Variants in CNTN3 observed in about 807,000 individuals in gnomAD.
CNTN3 encodes the protein contactin-3.
Under a neutral mutation model 119.1 loss-of-function variants are expected in CNTN3, and 60 were observed. That is an observed-to-expected ratio of 0.50 (90% CI 0.41 to 0.62). The LOEUF (loss-of-function observed/expected upper bound fraction) is 0.62, where lower values mean the gene tolerates loss of function less well. CNTN3 is among the 20% of genes least tolerant of loss of function. The pLI, the probability that CNTN3 is intolerant of heterozygous loss-of-function variation, is 0.00. For synonymous variants in CNTN3, 450 were observed against 438.7 expected, an observed-to-expected ratio of 1.03 and a Z score of -0.32; for missense variants, 1,101 against 1,242.4, an observed-to-expected ratio of 0.89 and a Z score of 1.71.
intron 1 of CNTN3, among the ~76,000 whole-genome samples, chr3:74,544,493 T>C (rs564849433): frequency 2.6e-5 from 4 of 152,222 alleles, no homozygotes; most frequent in African/African-American, 7.2e-5. Flanking sequence ...AAAAATTCAA[T>C]GACAGAACCC....
chr3:74,490,413 G>A (rs191651852), intron 3 of CNTN3, among the ~76,000 whole-genome samples: 1 of 152,246 alleles, frequency 6.6e-6, no homozygotes, highest in Admixed American at 6.5e-5. Context: ...AATGTTTATG[G>A]CCTGACTAAG....
At chr3:74,533,728 A>T (rs1042078654) in intron 1 of CNTN3, among the ~76,000 whole-genome samples, 1 of 151,970 alleles carries the variant, frequency 6.6e-6, no homozygotes, top group Admixed American at 6.6e-5. Flanking sequence ...GAAGCTTTGT[A>T]TTTTTGTTCA....
chr3:74,364,384 G>A, intron 10 of CNTN3, 83 bp downstream of exon 10: 2 of 1,360,526 alleles, frequency 1.5e-6, no homozygotes, highest in African/African-American at 1.5e-5. Context: ...AACCTAATGT[G>A]AAAAGTAAAT....
chr3:74,420,236 T>C (rs758124944), intron 5 of CNTN3, among the ~76,000 whole-genome samples: 1 of 152,232 alleles, frequency 6.6e-6, no homozygotes, highest in Non-Finnish European at 1.5e-5. Flanking sequence ...TCTCCCACCA[T>C]AAAACAATTT....
At chr3:74,374,992 GA>G (rs1461667744) in intron 5 of CNTN3, among the ~76,000 whole-genome samples, 1 of 152,110 alleles carries the variant, frequency 6.6e-6, no homozygotes, top group Non-Finnish European at 1.5e-5. Context: ...TCATAGTATT[GA>G]AAGCCATTTT....
rs189269081 is a variant in CNTN3, at chr3:74,297,029, C to A, written c.2401+928G>T. On this transcript the variant is annotated intron_variant, in intron 18 of 22. Transcript: ENST00000263665. The stretch of plus-strand genomic sequence containing the variant: ...ATCTGAGACAGGTATAAAAGAAAGG[C>A]AAAGAAACAGAACGGGTCCAGAGTG... Among the ~76,000 whole-genome samples the A allele has an allele frequency of 1.2e-3, 176 of 152,138 alleles. 2 individuals are homozygous for A. The highest frequency in any genetic ancestry group is 0.01 in the Admixed American group (160 of 15,270).
At chr3:74,574,718 T>G (rs1210366170) in intron 1 of CNTN3, among the ~76,000 whole-genome samples, 24 of 152,144 alleles carry the variant, frequency 1.6e-4, no homozygotes, top group Admixed American at 1.6e-3. Context: ...TGGGTTAACT[T>G]CAAGTTGCAT....
chr3:74,366,770 G>GTATATA, intron 8 of CNTN3, among the ~76,000 whole-genome samples: 2 of 44,972 alleles, frequency 4.4e-5, no homozygotes, highest in African/African-American at 2.4e-4. Flanking sequence ...GTGTGTGTGT[G>GTATATA]TGTGTGTGTG....
At chr3:74,327,124 T>G (rs1486957420) in intron 13 of CNTN3, among the ~76,000 whole-genome samples, 21 of 145,766 alleles carry the variant, frequency 1.4e-4, no homozygotes, top group African/African-American at 2.8e-4. Context: ...TTTTTTTTTT[T>G]TTTTTTTGTT....
At chr3:74,510,777 G>A (rs1033975235) in intron 2 of CNTN3, among the ~76,000 whole-genome samples, 1 of 152,064 alleles carries the variant, frequency 6.6e-6, no homozygotes, top group Admixed American at 6.6e-5. Context: ...TGCAAGCTAT[G>A]AATTTAGTTA....
intron 20 of CNTN3, among the ~76,000 whole-genome samples, chr3:74,270,869 T>G (rs1388456972): frequency 6.6e-6 from 1 of 152,132 alleles, no homozygotes; most frequent in East Asian, 1.9e-4. Flanking sequence ...GAATGCTAAA[T>G]TAGAAAAAAC....
intron 1 of CNTN3, among the ~76,000 whole-genome samples, chr3:74,525,611 A>G (rs1703608125): frequency 6.6e-6 from 1 of 151,996 alleles, no homozygotes; most frequent in Non-Finnish European, 1.5e-5. Context: ...TTTAAGCCAA[A>G]GAAAAAATAG....
chr3:74,523,101 T>A (rs1703566802), intron 1 of CNTN3, among the ~76,000 whole-genome samples: 1 of 151,808 alleles, frequency 6.6e-6, no homozygotes, highest in Admixed American at 6.6e-5. Context: ...CTTCCTTCCT[T>A]CCTTCTGCTC....
chr3:74,437,748 T>C (rs1181839259), intron 4 of CNTN3, among the ~76,000 whole-genome samples: 1 of 151,930 alleles, frequency 6.6e-6, no homozygotes, highest in Admixed American at 6.6e-5. Flanking sequence ...CCATCAAAAC[T>C]ACACTTTTTT....
At chr3:74,402,400 C>T (rs1705221196) in intron 5 of CNTN3, among the ~76,000 whole-genome samples, 1 of 152,158 alleles carries the variant, frequency 6.6e-6, no homozygotes, top group South Asian at 2.1e-4. Flanking sequence ...TTCCTTGGAA[C>T]TCATCAATTT....
intron 4 of CNTN3, among the ~76,000 whole-genome samples, chr3:74,465,570 T>C (rs1702446654): frequency 6.6e-6 from 1 of 152,206 alleles, no homozygotes; most frequent in African/African-American, 2.4e-5. Flanking sequence ...TTGTTTCCAT[T>C]TCTTCTTATA....
At chr3:74,609,017 G>A (rs755286710) in intron 1 of CNTN3, among the ~76,000 whole-genome samples, 11 of 152,100 alleles carry the variant, frequency 7.2e-5, no homozygotes, top group Admixed American at 1.3e-4. Context: ...TTTCCTGAAC[G>A]AAACAACAAA....
Position 74,460,327 on chromosome 3 carries a change from G to C in CNTN3, c.358+26129C>G, listed in dbSNP as rs531476761. ...ACTAGCAAACACAAAGACCTCCCTG[G>C]GATTTTGATAGGAACTGTATTAAAA... On this transcript the variant is annotated intron_variant, in intron 4 of 22. Coordinates refer to ENST00000263665, the MANE Select transcript of CNTN3 (RefSeq NM_020872.3). Among the ~76,000 whole-genome samples, 3 of 151,926 alleles carry C rather than the reference G, an allele frequency of 2.0e-5. No individual in the cohort carries two copies. In the South Asian group the frequency reaches 6.2e-4, roughly 32 times the overall value.
chr3:74,500,247 T>C (rs1416191966), intron 2 of CNTN3, among the ~76,000 whole-genome samples: 1 of 151,988 alleles, frequency 6.6e-6, no homozygotes, highest in Non-Finnish European at 1.5e-5. Context: ...ACTCAATATT[T>C]TGGTGGGATG....
Sources: allele counts gnomAD v4.1 joint callset (sites outside exome capture counted in the v4.1 genomes callset), GRCh38; gene constraint gnomAD v4.1.1; transcripts MANE v1.5; gene names NCBI Gene and HGNC (gene_info 2026-07-23, HGNC 2026-07-21).